The following RANBP17 variants were observed in gnomAD, a reference collection of about 807,000 sequenced individuals.
The protein encoded by RANBP17 is RAN binding protein 17.
RANBP17 carries 158 observed loss-of-function variants against 141.2 expected under a neutral mutation model. The observed-to-expected ratio is 1.12, with a 90% CI of 0.98 to 1.28. The LOEUF (loss-of-function observed/expected upper bound fraction) is 1.28, where lower values mean the gene tolerates loss of function less well. RANBP17 is among the 50% of genes most tolerant of loss of function. The probability of loss-of-function intolerance (pLI) is 0.00; values close to 1 mark genes in which losing one functional copy is unlikely to be tolerated. For synonymous variants in RANBP17, 430 were observed against 450.0 expected (o/e 0.96, Z 0.56); for missense variants, 1,438 against 1,290.7 (o/e 1.11, Z -1.75).
At chr5:171,252,348 A>C (rs553802696) in intron 24 of RANBP17, 10 of 1,539,444 alleles carry the variant, frequency 6.5e-6, no homozygotes, top group East Asian at 4.5e-5. Context: ...TTCAGGGAAC[A>C]TTAACTAATG....
intron 14 of RANBP17, among the ~76,000 whole-genome samples, chr5:171,159,777 G>A (rs1320575443): frequency 1.3e-5 from 2 of 151,824 alleles, no homozygotes; most frequent in Non-Finnish European, 2.9e-5. Context: ...CAAAAACTTA[G>A]CTGGGCGTGG....
intron 1 of RANBP17, chr5:170,863,737 A>G (rs1193991308): frequency 2.0e-5 from 3 of 152,222 alleles, no homozygotes; most frequent in African/African-American, 7.2e-5. Flanking sequence ...ATGTACAGTT[A>G]AATCACCAAG....
chr5:171,106,375 G>T (rs1754840723), intron 14 of RANBP17, among the ~76,000 whole-genome samples: 1 of 152,094 alleles, frequency 6.6e-6, no homozygotes, highest in African/African-American at 2.4e-5. Context: ...ATTTTTCCAG[G>T]TTGTGAGAGC....
At chr5:171,092,012 A>C (rs945405278) in intron 14 of RANBP17, among the ~76,000 whole-genome samples, 1 of 152,318 alleles carries the variant, frequency 6.6e-6, no homozygotes, top group Non-Finnish European at 1.5e-5. Flanking sequence ...GGGATCCTGG[A>C]ACCAATCCCC....
At chr5:171,276,922 A>T (rs1218356767) in intron 25 of RANBP17, among the ~76,000 whole-genome samples, 1 of 6,268 alleles carries the variant, frequency 1.6e-4, no homozygotes. Context: ...GTATCTTAAA[A>T]AAAAAAAAAA....
At chr5:170,901,855 C>G (rs1770664756) in intron 5 of RANBP17, among the ~76,000 whole-genome samples, 1 of 152,216 alleles carries the variant, frequency 6.6e-6, no homozygotes, top group South Asian at 2.1e-4. Flanking sequence ...GGCCCCCACT[C>G]TCTTCTGGCT....
At chr5:171,205,431 A>G in intron 19 of RANBP17, 93 bp from the exon 20 acceptor site, 1 of 1,014,882 alleles carries the variant, frequency 9.9e-7, no homozygotes, top group South Asian at 1.5e-5. Flanking sequence ...TAATGAATCA[A>G]AATCAGATAT....
chr5:171,130,266 T>G (rs1396115277), intron 14 of RANBP17, among the ~76,000 whole-genome samples: 1 of 152,078 alleles, frequency 6.6e-6, no homozygotes, highest in African/African-American at 2.4e-5. Flanking sequence ...GTAAGAAATA[T>G]CACTCTCTTG....
At position 170,914,153 on chromosome 5, in the gene RANBP17, A is replaced by ATT; in HGVS notation, c.761-7_761-6dup. The ATT allele has an allele frequency of 6.4e-7, 1 of 1,554,976 alleles. No individual in the cohort carries two copies. The highest frequency in any genetic ancestry group is 1.1e-5 in the South Asian group (1 of 89,642). On this transcript the variant is annotated splice_polypyrimidine_tract_variant and intron_variant, in intron 7 of 27. Coordinates refer to ENST00000523189, the MANE Select transcript of RANBP17 (RefSeq NM_022897.5). ...TTGAAAGTAATGGTGTTAGAAAATA[A>ATT]TTTTTTTTCCCAGTTTTCCTGGAAC...
intron 14 of RANBP17, among the ~76,000 whole-genome samples, chr5:171,040,664 T>A (rs976539650): frequency 1.3e-5 from 2 of 151,880 alleles, no homozygotes; most frequent in Admixed American, 6.6e-5. Context: ...GGAGCAGAGG[T>A]CCCAAACATG....
At chr5:171,199,649 A>G (rs1198648341) in intron 18 of RANBP17, 21 bp from the exon 19 acceptor site, 1 of 1,447,950 alleles carries the variant, frequency 6.9e-7, no homozygotes, top group Non-Finnish European at 9.7e-7. Flanking sequence ...AACCGTAGTG[A>G]CCCTTTTGTT....
intron 25 of RANBP17, among the ~76,000 whole-genome samples, chr5:171,275,813 C>A (rs944411655): frequency 6.6e-6 from 1 of 151,898 alleles, no homozygotes; most frequent in Admixed American, 6.6e-5. Context: ...GGTTCCCCTA[C>A]CCCCACCCCT....
chr5:171,095,917 A>C (rs573739429), intron 14 of RANBP17, among the ~76,000 whole-genome samples: 2 of 152,248 alleles, frequency 1.3e-5, no homozygotes, highest in South Asian at 4.2e-4. Context: ...GTATGCCCTT[A>C]AAATAAAGGA....
At chr5:170,944,811 A>G (rs368065864) in intron 12 of RANBP17, among the ~76,000 whole-genome samples, 1 of 152,222 alleles carries the variant, frequency 6.6e-6, no homozygotes, top group East Asian at 1.9e-4. Context: ...TTTGCACAGC[A>G]TTCTTTGATC....
intron 14 of RANBP17, among the ~76,000 whole-genome samples, chr5:171,027,180 A>C (rs919553795): frequency 6.6e-6 from 1 of 152,218 alleles, no homozygotes; most frequent in African/African-American, 2.4e-5. Flanking sequence ...ATTGTTTAAC[A>C]GATTGTTTCT....
chr5:170,960,705 A>G (rs1009160401), intron 13 of RANBP17, among the ~76,000 whole-genome samples: 9 of 152,154 alleles, frequency 5.9e-5, no homozygotes, highest in Non-Finnish European at 1.0e-4. Flanking sequence ...TTTCTAAAGT[A>G]CAGATCTGAT....
At chr5:171,126,360 C>T (rs1756470697) in intron 14 of RANBP17, among the ~76,000 whole-genome samples, 1 of 151,910 alleles carries the variant, frequency 6.6e-6, no homozygotes, top group African/African-American at 2.4e-5. Flanking sequence ...CCTCCTACAT[C>T]AAAAAAGTAG....
At chr5:171,149,225 A>G (rs1478120735) in intron 14 of RANBP17, among the ~76,000 whole-genome samples, 2 of 152,204 alleles carry the variant, frequency 1.3e-5, no homozygotes, top group Admixed American at 1.3e-4. Context: ...TGGAGATACC[A>G]TGGATCTTTT....
intron 14 of RANBP17, among the ~76,000 whole-genome samples, chr5:171,048,838 G>T (rs1782765237): frequency 6.6e-6 from 1 of 152,096 alleles, no homozygotes; most frequent in African/African-American, 2.4e-5. Flanking sequence ...GCATAGTAGT[G>T]CACAGTGTGT....
Sources: allele counts gnomAD v4.1 joint callset (sites outside exome capture counted in the v4.1 genomes callset), GRCh38; gene constraint gnomAD v4.1.1; transcripts MANE v1.5; gene names NCBI Gene and HGNC (gene_info 2026-07-23, HGNC 2026-07-21).